DCC: variants seen among roughly 807,000 people sequenced by gnomAD.
DCC encodes netrin receptor DCC.
A neutral mutation model predicts 172.5 loss-of-function variants in DCC; 58 were observed. The observed-to-expected ratio is 0.34, with a 90% CI of 0.27 to 0.42. DCC has a LOEUF of 0.42. Among genes scored for constraint, DCC ranks in the 10% least tolerant of loss-of-function variants. The pLI, the probability that DCC is intolerant of heterozygous loss-of-function variation, is 1.00. For missense variants in DCC, 1,740 were observed against 1,791.0 expected, an observed-to-expected ratio of 0.97 and a Z score of 0.51; for synonymous variants, 709 against 644.5, an observed-to-expected ratio of 1.10 and a Z score of -1.52.
intron 1 of DCC, among the ~76,000 whole-genome samples, chr18:52,513,671 T>TAAAACTAGGTCCCTTTCCTCC (rs1390790558): frequency 6.6e-6 from 1 of 152,134 alleles, no homozygotes; most frequent in Non-Finnish European, 1.5e-5. Flanking sequence ...CTTTTGGCTC[T>TAAAACTAGGTCCCTTTCCTCC]AAAACTAGGT....
At chr18:52,980,649 TATAAC>T (rs1383207932) in intron 5 of DCC, among the ~76,000 whole-genome samples, 3 of 152,064 alleles carry the variant, frequency 2.0e-5, no homozygotes, top group Middle Eastern at 3.2e-3. Flanking sequence ...CAAAAAATTT[TATAAC>T]ATAAAATAAG....
intron 1 of DCC, among the ~76,000 whole-genome samples, chr18:52,453,073 C>A (rs1158448819): frequency 5.3e-5 from 8 of 152,226 alleles, no homozygotes; most frequent in Admixed American, 5.2e-4. Context: ...GCACAGGCCA[C>A]CCTCTCCTTG....
intron 2 of DCC, among the ~76,000 whole-genome samples, chr18:52,756,398 CCT>C (rs2037076693): frequency 6.6e-6 from 1 of 152,142 alleles, no homozygotes; most frequent in Non-Finnish European, 1.5e-5. Context: ...CTGTTGCCAT[CCT>C]CCTCTCTACC....
intron 24 of DCC, among the ~76,000 whole-genome samples, chr18:53,463,812 C>T (rs983665390): frequency 7.2e-5 from 11 of 152,208 alleles, no homozygotes; most frequent in Admixed American, 5.2e-4. Context: ...TCTTGTTTTG[C>T]GCCCATGAAA....
chr18:52,390,761 T>C (rs16954834), intron 1 of DCC, among the ~76,000 whole-genome samples: 3,020 of 152,198 alleles, frequency 0.02, 82 homozygotes, highest in African/African-American at 0.062. Context: ...GCCACTTGTC[T>C]CATTAGGCAA....
chr18:52,656,573 A>C (rs2035258827), intron 1 of DCC, among the ~76,000 whole-genome samples: 1 of 152,144 alleles, frequency 6.6e-6, no homozygotes, highest in African/African-American at 2.4e-5. Flanking sequence ...ATATTATGTG[A>C]CATGTGAAGA....
At chr18:53,453,337 C>T (rs974844768) in intron 23 of DCC, among the ~76,000 whole-genome samples, 4 of 152,166 alleles carry the variant, frequency 2.6e-5, no homozygotes, top group African/African-American at 7.2e-5. Flanking sequence ...CAATCTGAAA[C>T]AGAAATAAGA....
intron 6 of DCC, among the ~76,000 whole-genome samples, chr18:53,064,511 T>A (rs1277965221): frequency 6.6e-6 from 1 of 152,096 alleles, no homozygotes; most frequent in Non-Finnish European, 1.5e-5. Context: ...AGACACAAGC[T>A]CTCTCCATCG....
intron 7 of DCC, among the ~76,000 whole-genome samples, chr18:53,127,121 T>C (rs2043569664): frequency 6.7e-6 from 1 of 149,890 alleles, no homozygotes. Context: ...AATACGAGAC[T>C]AGCTTTTGAT....
chr18:53,181,704 T>A (rs1404884755), intron 9 of DCC, among the ~76,000 whole-genome samples: 1 of 152,178 alleles, frequency 6.6e-6, no homozygotes, highest in East Asian at 1.9e-4. Context: ...GCATGAGGCA[T>A]GTTAGAAAAG....
intron 5 of DCC, among the ~76,000 whole-genome samples, chr18:52,980,408 A>T (rs2041191036): frequency 6.6e-6 from 1 of 152,216 alleles, no homozygotes; most frequent in African/African-American, 2.4e-5. Context: ...TAGAAATTTC[A>T]GGGTCCGGTT....
intron 7 of DCC, among the ~76,000 whole-genome samples, chr18:53,127,150 T>C (rs2043571179): frequency 6.7e-6 from 1 of 148,182 alleles, no homozygotes; most frequent in Admixed American, 6.7e-5. Context: ...TTTTTTTTTT[T>C]TCATTTAAAT....
intron 1 of DCC, among the ~76,000 whole-genome samples, chr18:52,388,417 T>A (rs1985901765): frequency 6.6e-6 from 1 of 152,120 alleles, no homozygotes; most frequent in South Asian, 2.1e-4. Flanking sequence ...GAGAATTAAT[T>A]TTTATTTATT....
intron 2 of DCC, among the ~76,000 whole-genome samples, chr18:52,901,631 T>G (rs1337228585): frequency 6.6e-6 from 1 of 152,130 alleles, no homozygotes; most frequent in African/African-American, 2.4e-5. Flanking sequence ...TCCTCTAGCT[T>G]GTTAAATAAT....
At chr18:53,299,224 A>G (rs1478429182) in intron 12 of DCC, among the ~76,000 whole-genome samples, 4 of 152,186 alleles carry the variant, frequency 2.6e-5, no homozygotes. Flanking sequence ...ACTCTACACT[A>G]TTATTTTATG....
At chr18:52,463,927 T>C (rs921558268) in intron 1 of DCC, among the ~76,000 whole-genome samples, 5 of 152,302 alleles carry the variant, frequency 3.3e-5, no homozygotes, top group African/African-American at 1.2e-4. Flanking sequence ...TTTGGAAGAG[T>C]GCCTGACAAT....
At chr18:52,785,072 G>A (rs925219842) in intron 2 of DCC, among the ~76,000 whole-genome samples, 2 of 151,962 alleles carry the variant, frequency 1.3e-5, no homozygotes, top group African/African-American at 4.8e-5. Flanking sequence ...GATCAGGCAC[G>A]AGGTTTACAT....
intron 22 of DCC, among the ~76,000 whole-genome samples, chr18:53,439,911 C>T (rs1391870150): frequency 1.3e-5 from 2 of 150,404 alleles, no homozygotes; most frequent in East Asian, 3.9e-4. Flanking sequence ...ACTACAGGCG[C>T]CCGCCACTAC....
intron 2 of DCC, among the ~76,000 whole-genome samples, chr18:52,867,356 T>C (rs574820711): frequency 2.1e-3 from 315 of 152,282 alleles, no homozygotes; most frequent in Middle Eastern, 6.8e-3. Flanking sequence ...TTGTTGTGTC[T>C]CTGTCAGGTT....
Sources: gnomAD v4.1 joint callset for allele counts (sites outside exome capture counted in the v4.1 genomes callset) on GRCh38, gnomAD v4.1.1 for gene constraint, MANE v1.5 for transcripts, NCBI Gene and HGNC (gene_info 2026-07-23, HGNC 2026-07-21) for gene names.